CA10: variants seen among roughly 807,000 people sequenced by gnomAD.
CA10 encodes carbonic anhydrase-related protein 10.
A neutral mutation model predicts 44.2 loss-of-function variants in CA10; 14 were observed. That is an observed-to-expected ratio of 0.32 (90% CI 0.21 to 0.50). The LOEUF is 0.50. Among genes scored for constraint, CA10 ranks in the 20% least tolerant of loss-of-function variants. The probability of loss-of-function intolerance (pLI) is 0.99; values close to 1 mark genes in which losing one functional copy is unlikely to be tolerated. For missense variants in CA10, 350 were observed against 409.7 expected (o/e 0.85, Z 1.26); for synonymous variants, 159 against 141.6 (o/e 1.12, Z -0.87).
At chr17:51,828,390 T>G (rs905245710) in intron 3 of CA10, among the ~76,000 whole-genome samples, 1 of 152,234 alleles carries the variant, frequency 6.6e-6, no homozygotes, top group South Asian at 2.1e-4. Flanking sequence ...TGCAAGCATT[T>G]GTTAAATTGC....
intron 4 of CA10, among the ~76,000 whole-genome samples, chr17:51,738,025 G>T (rs1916970735): frequency 6.6e-6 from 1 of 152,116 alleles, no homozygotes; most frequent in Admixed American, 6.5e-5. Context: ...CATGGCACAG[G>T]CAACTAAGTG....
At chr17:51,983,091 A>AT (rs11479075) in intron 2 of CA10, among the ~76,000 whole-genome samples, 3 of 151,170 alleles carry the variant, frequency 2.0e-5, no homozygotes, top group African/African-American at 4.9e-5. Context: ...TTTATAGGAA[A>AT]TTTTTTTTTA....
chr17:51,632,147 G>A (rs1211101742), intron 8 of CA10, among the ~76,000 whole-genome samples: 2 of 152,124 alleles, frequency 1.3e-5, no homozygotes, highest in African/African-American at 2.4e-5. Context: ...CAATGTCAGA[G>A]TGCCATAGAG....
chr17:51,773,105 G>A (rs1430451539), intron 3 of CA10, among the ~76,000 whole-genome samples: 3 of 152,164 alleles, frequency 2.0e-5, no homozygotes, highest in East Asian at 3.9e-4. Context: ...ATATTGACTT[G>A]TACATGGTAA....
At chr17:51,974,802 T>C (rs545679678) in intron 2 of CA10, among the ~76,000 whole-genome samples, 1 of 152,062 alleles carries the variant, frequency 6.6e-6, no homozygotes, top group African/African-American at 2.4e-5. Context: ...AAAGGGGACA[T>C]GATAGGGCTG....
chr17:51,778,861 T>A (rs150007231), intron 3 of CA10, among the ~76,000 whole-genome samples: 1 of 152,302 alleles, frequency 6.6e-6, no homozygotes, highest in East Asian at 1.9e-4. Flanking sequence ...AATAAACTGC[T>A]TAGCGGAAAC....
At chr17:52,156,877 G>C (rs1399970395) in intron 1 of CA10, among the ~76,000 whole-genome samples, 1 of 152,100 alleles carries the variant, frequency 6.6e-6, no homozygotes, top group African/African-American at 2.4e-5. Context: ...CTGGTCCAGG[G>C]GCTTTCCCCT....
chr17:51,823,239 C>T (rs1257024521), intron 3 of CA10, among the ~76,000 whole-genome samples: 2 of 152,182 alleles, frequency 1.3e-5, no homozygotes, highest in African/African-American at 4.8e-5. Flanking sequence ...GCGGTCACAT[C>T]AGAACCTCAG....
intron 2 of CA10, among the ~76,000 whole-genome samples, chr17:52,016,892 G>A (rs747575455): frequency 6.6e-6 from 1 of 152,090 alleles, no homozygotes; most frequent in Non-Finnish European, 1.5e-5. Context: ...CAGCCTAGGT[G>A]ATAGAATGAG....
intron 2 of CA10, among the ~76,000 whole-genome samples, chr17:52,036,758 G>A (rs1414916150): frequency 6.6e-6 from 1 of 152,182 alleles, no homozygotes; most frequent in Non-Finnish European, 1.5e-5. Flanking sequence ...AATTACATAA[G>A]ATAATGAATG....
chr17:52,057,593 T>C (rs923618245), intron 2 of CA10, among the ~76,000 whole-genome samples: 1 of 152,082 alleles, frequency 6.6e-6, no homozygotes, highest in Non-Finnish European at 1.5e-5. Flanking sequence ...ACATGGATTT[T>C]TGGCGGCATG....
At chr17:51,704,728 C>T (rs767637420) in intron 4 of CA10, among the ~76,000 whole-genome samples, 9 of 152,116 alleles carry the variant, frequency 5.9e-5, no homozygotes, top group Admixed American at 2.6e-4. Flanking sequence ...CTTTGGGAGG[C>T]GACAGTGGTG....
At chr17:52,083,465 C>T (rs1988036260) in intron 1 of CA10, among the ~76,000 whole-genome samples, 1 of 152,086 alleles carries the variant, frequency 6.6e-6, no homozygotes, top group Non-Finnish European at 1.5e-5. Flanking sequence ...TTTTTAAATA[C>T]AGATATATTG....
intron 2 of CA10, among the ~76,000 whole-genome samples, chr17:52,039,515 A>G (rs929385196): frequency 6.6e-6 from 1 of 152,100 alleles, no homozygotes; most frequent in Admixed American, 6.5e-5. Context: ...CCCTGTGATC[A>G]TCTCTGCTAC....
At chr17:51,761,804 C>A (rs1046476900) in intron 3 of CA10, 2 of 152,156 alleles carry the variant, frequency 1.3e-5, no homozygotes, top group Admixed American at 6.5e-5. Flanking sequence ...GATATATAGA[C>A]ATCATCCACA....
intron 4 of CA10, among the ~76,000 whole-genome samples, chr17:51,699,446 T>G (rs1371139112): frequency 6.6e-6 from 1 of 152,110 alleles, no homozygotes; most frequent in Non-Finnish European, 1.5e-5. Context: ...CTCCTCCCCT[T>G]CTTGCAACCG....
At chr17:51,731,012 T>A (rs549150238) in intron 4 of CA10, among the ~76,000 whole-genome samples, 3 of 152,280 alleles carry the variant, frequency 2.0e-5, no homozygotes, top group African/African-American at 7.2e-5. Flanking sequence ...GGTCCCTGAC[T>A]GGGTGTGGAT....
At chr17:51,705,747 C>A (rs1915743301) in intron 4 of CA10, among the ~76,000 whole-genome samples, 1 of 152,048 alleles carries the variant, frequency 6.6e-6, no homozygotes, top group South Asian at 2.1e-4. Flanking sequence ...GGGGGAGGAC[C>A]CTTTTGAACC....
At chr17:51,704,808 C>T (rs970107580) in intron 4 of CA10, among the ~76,000 whole-genome samples, 4 of 151,886 alleles carry the variant, frequency 2.6e-5, no homozygotes, top group African/African-American at 9.7e-5. Flanking sequence ...GCTAAAAATA[C>T]AAAAATTAGC....
Sources: gnomAD v4.1 joint callset for allele counts (sites outside exome capture counted in the v4.1 genomes callset) on GRCh38, gnomAD v4.1.1 for gene constraint, MANE v1.5 for transcripts, NCBI Gene and HGNC (gene_info 2026-07-23, HGNC 2026-07-21) for gene names.